Variants in COX18 observed in about 807,000 individuals in gnomAD.
COX18 encodes the protein cytochrome c oxidase assembly factor COX18, also known as cytochrome c oxidase assembly protein COX18, mitochondrial.
In COX18, 45 loss-of-function variants were observed where a neutral mutation model predicts 38.0. That is an observed-to-expected ratio of 1.18 (90% CI 0.93 to 1.52). The LOEUF is 1.52. Ranked by LOEUF, COX18 falls within the 40% of genes most tolerant of loss-of-function variation. COX18 has a pLI of 0.00. For synonymous variants in COX18, 177 were observed against 169.8 expected (o/e 1.04, Z -0.33); for missense variants, 462 against 423.8 (o/e 1.09, Z -0.79).
chr4:73,058,758 ATTTTCT>A (rs1406035960), intron 5 of COX18, among the ~76,000 whole-genome samples: 3 of 152,050 alleles, frequency 2.0e-5, no homozygotes. Context: ...TAAGGAATGC[ATTTTCT>A]TTGCCTTCTT....
chr4:73,065,108 A>T, intron 3 of COX18, 142 bp downstream of exon 3: 1 of 940,484 alleles, frequency 1.1e-6, no homozygotes, highest in Non-Finnish European at 1.6e-6. Flanking sequence ...GTTTACACTT[A>T]AGACTTTAAA....
chr4:73,058,905 T>C (rs1315675230), intron 5 of COX18, among the ~76,000 whole-genome samples: 5 of 152,174 alleles, frequency 3.3e-5, no homozygotes, highest in African/African-American at 1.2e-4. Flanking sequence ...GATGAAACTG[T>C]TCCATTCCTC....
rs1003877772 is a variant in COX18, at chr4:73,061,881, T to C, written c.763A>G (p.Thr255Ala). The C allele has an allele frequency of 6.2e-7, 1 of 1,613,474 alleles. No individual in the cohort carries two copies. Among genetic ancestry groups the C allele is most frequent in the Non-Finnish European group, 8.5e-7 (1 of 1,179,630 alleles). The change falls in exon 5 of 6, where the codon ACG becomes GCG. Residue 255 changes from threonine (T) to alanine (A), a missense_variant. Coordinates refer to ENST00000507544, the MANE Select transcript of COX18 (RefSeq NM_001297732.2). ...GCACGGACAAAGTACGTAATATACG[T>C]CTGAAAACGAGACATTCCAATTTTT... ...LQKIGMSRFQ[T>A]YITYFVRAMS...
intron 5 of COX18, among the ~76,000 whole-genome samples, chr4:73,060,088 T>G (rs1190248271): frequency 1.3e-5 from 2 of 152,188 alleles, no homozygotes; most frequent in Non-Finnish European, 2.9e-5. Flanking sequence ...ATGACCGTAG[T>G]GTAGCCTTGA....
intron 5 of COX18, 60 bp downstream of exon 5, chr4:73,061,753 T>TCTAAGCTA: frequency 1.2e-6 from 1 of 833,760 alleles, no homozygotes; most frequent in Non-Finnish European, 2.0e-6. Flanking sequence ...TCCCAGCCAG[T>TCTAAGCTA]CTAAGCTAAA....
At position 73,052,914 on chromosome 4, in the gene COX18, T is replaced by C. The variant is rs1292247204; in HGVS notation, c.*5200A>G. Reference sequence around the variant, plus strand: ...GCTTCTGGGACTTAAATCTGACATATAGGCAATTTTAAAGGTGACTCCTAA... The same window carrying C: ...GCTTCTGGGACTTAAATCTGACATACAGGCAATTTTAAAGGTGACTCCTAA... On this transcript the variant is annotated 3_prime_UTR_variant, in exon 6 of 6. Transcript: ENST00000507544. 6.7e-6 allele frequency: 1 copy of C among 149,158 alleles called. No homozygotes were observed. The highest frequency in any genetic ancestry group is 1.5e-5 in the Non-Finnish European group (1 of 67,582). The allele number at this position is 149,158 out of a possible 1,614,324, so 9.2% of individuals were successfully genotyped here. A position where few individuals can be genotyped will look rare whatever the true frequency, so the allele number is the denominator to read the frequency against.
In COX18 at chr4:73,067,864, A is replaced by AAAAAAT; in HGVS notation, c.434+164_434+165insATTTTT. Among the ~76,000 whole-genome samples the AAAAAAT allele has an allele frequency of 1.1e-3, 22 of 20,010 alleles. 1 individual carries two copies. The highest frequency in any genetic ancestry group is 1.2e-3 in the Non-Finnish European group (8 of 6,452). 13.1% of individuals were successfully genotyped at this position (20,010 alleles called of 152,430 possible). ...CTCAAAAAAAAAAAAAAAAAAAAAAAATATATATATATATATATATAAAAA... is the reference window on the plus strand; with the variant it reads ...CTCAAAAAAAAAAAAAAAAAAAAAAAAAAAATATATATATATATATATATATAAAAA... On this transcript the variant is annotated intron_variant, in intron 2 of 5. Transcript: ENST00000507544.
upstream of COX18, chr4:73,069,724 C>A (rs577294630): frequency 2.1e-5 from 29 of 1,392,952 alleles, no homozygotes; most frequent in Non-Finnish European, 2.9e-6. Flanking sequence ...AAGGCTGATA[C>A]GCGCACGCGC....
At position 73,055,770 on chromosome 4, in the gene COX18, G is replaced by A. The variant is rs1719867435; in HGVS notation, c.*2344C>T. On this transcript the variant is annotated 3_prime_UTR_variant, in exon 6 of 6. Transcript: ENST00000507544. ...AGCACTTGTGCAAGTACTGGTTCTG[G>A]GGTTATGGATAGATTTGAGCAAGGA... The A allele has an allele frequency of 6.6e-6, 1 of 152,112 alleles. No homozygotes were observed. The highest frequency in any genetic ancestry group is 2.4e-5 in the African/African-American group (1 of 41,422). The allele number at this position is 152,112 out of a possible 1,614,324, so 9.4% of individuals were successfully genotyped here.
intron 4 of COX18, among the ~76,000 whole-genome samples, chr4:73,063,201 G>A (rs1468363397): frequency 6.6e-6 from 1 of 152,000 alleles, no homozygotes; most frequent in Non-Finnish European, 1.5e-5. Context: ...AGCTACTCGA[G>A]AGGCTGAGAC....
intron 3 of COX18, 73 bp downstream of exon 3, chr4:73,065,172 CTTTTT>C (rs71215480): frequency 2.5e-4 from 175 of 688,966 alleles, no homozygotes; most frequent in South Asian, 3.4e-4. Context: ...GAAAAGTATG[CTTTTT>C]TTTTTTTTTT....
At chr4:73,067,889 A>G (rs1164816549) in intron 2 of COX18, 140 bp downstream of exon 2, 1 of 155,390 alleles carries the variant, frequency 6.4e-6, no homozygotes, top group East Asian at 1.9e-4. Context: ...ATATATAAAA[A>G]AAGAAATACT....
chr4:73,069,244 C>T, intron 1 of COX18, 73 bp downstream of exon 1: 1 of 1,147,376 alleles, frequency 8.7e-7, no homozygotes, highest in East Asian at 2.6e-5. Flanking sequence ...ATCGAAAACC[C>T]TGAGTGAATG....
rs980044924 is a variant in COX18 at position 73,056,202 on chromosome 4, C to T, written c.*1912G>A. On this transcript the variant is annotated 3_prime_UTR_variant, in exon 6 of 6. Transcript: ENST00000507544. The stretch of plus-strand genomic sequence containing the variant: ...GATTTATAGCCTTCTCAAATACCTG[C>T]CATACTTGATATCTCAACCAGAGCT... 6.6e-6 allele frequency: 1 copy of T among 152,228 alleles called. No individual in the cohort carries two copies. Among genetic ancestry groups the T allele is most frequent in the African/African-American group, 2.4e-5 (1 of 41,532 alleles). 9.4% of individuals were successfully genotyped at this position (152,228 alleles called of 1,614,324 possible).
rs535850949 is a variant in COX18 at position 73,065,364 on chromosome 4, G to T, written c.484C>A (p.Arg162=). Reference sequence around the variant, plus strand: ...GCTTTGAAAGGGTGGCAGTTATCTCGCACATATAGCTCTGAAATTAGCCTC... The same window carrying T: ...GCTTTGAAAGGGTGGCAGTTATCTCTCACATATAGCTCTGAAATTAGCCTC... ...MRRLISELYV[R]DNCHPFKATV... The change falls in exon 3 of 6, where the codon CGA becomes AGA. Residue 162 remains arginine, a synonymous_variant. Transcript: ENST00000507544. 9 of 1,613,444 alleles carry T rather than the reference G, an allele frequency of 5.6e-6. No individual in the cohort carries two copies. The African/African-American group carries it at 1.2e-4, about 22-fold the overall frequency.
rs1380137638 is a variant in COX18 at position 73,057,228 on chromosome 4, A to C, written c.*886T>G. 6.6e-6 allele frequency: 1 copy of C among 152,168 alleles called. No homozygotes were observed. The highest frequency in any genetic ancestry group is 1.5e-5 in the Non-Finnish European group (1 of 68,092). 9.4% of individuals were successfully genotyped at this position (152,168 alleles called of 1,614,324 possible). ...GATTAGTTGAGGTCAGCAGTTCCAGACCAGCCTGTCCAACATGGTGAAACC... is the reference window on the plus strand; with the variant it reads ...GATTAGTTGAGGTCAGCAGTTCCAGCCCAGCCTGTCCAACATGGTGAAACC... On this transcript the variant is annotated 3_prime_UTR_variant, in exon 6 of 6. Coordinates refer to ENST00000507544, the MANE Select transcript of COX18 (RefSeq NM_001297732.2).
At chr4:73,058,955 C>A (rs927926336) in intron 5 of COX18, among the ~76,000 whole-genome samples, 7 of 152,072 alleles carry the variant, frequency 4.6e-5, no homozygotes, top group Non-Finnish European at 1.0e-4. Context: ...AGTGTACACC[C>A]TAGATCCCTC....
At chr4:73,062,012 C>T (rs1257060394) in intron 4 of COX18, 92 bp from the exon 5 acceptor site, 17 of 669,720 alleles carry the variant, frequency 2.5e-5, no homozygotes, top group Non-Finnish European at 4.5e-5. Flanking sequence ...TTTCACTGGC[C>T]TCCATCTACA....
rs1177685589 is a variant in COX18, at chr4:73,053,456, C to G, written c.*4658G>C. ...CCCATAGTACTTAACCAATCAGAAA[C>G]TGGGGGAAGGACTTGTGTGCTAGGA... is the stretch of plus-strand genomic sequence containing the variant. On this transcript the variant is annotated 3_prime_UTR_variant, in exon 6 of 6. Transcript: ENST00000507544. 1 of 152,168 alleles carries G rather than the reference C, an allele frequency of 6.6e-6. No individual in the cohort carries two copies. Among genetic ancestry groups the G allele is most frequent in the Non-Finnish European group, 1.5e-5 (1 of 68,056 alleles). The allele number at this position is 152,168 out of a possible 1,614,324, so 9.4% of individuals were successfully genotyped here.
Sources: gnomAD v4.1 joint callset for allele counts (sites outside exome capture counted in the v4.1 genomes callset) on GRCh38, gnomAD v4.1.1 for gene constraint, MANE v1.5 for transcripts, NCBI Gene and HGNC (gene_info 2026-07-23, HGNC 2026-07-21) for gene names.